Variants in HELLS observed in about 807,000 individuals in gnomAD.
HELLS encodes the protein helicase, lymphoid specific.
A neutral mutation model predicts 120.0 loss-of-function variants in HELLS; 32 were observed. That is an observed-to-expected ratio of 0.27 (90% CI 0.20 to 0.36). The LOEUF is 0.36. HELLS is among the 10% of genes least tolerant of loss of function. The pLI, the probability that HELLS is intolerant of heterozygous loss-of-function variation, is 1.00. For missense variants in HELLS, 650 were observed against 993.4 expected (o/e 0.65, Z 4.65); for synonymous variants, 341 against 323.4 (o/e 1.05, Z -0.58).
intron 12 of HELLS, among the ~76,000 whole-genome samples, chr10:94,584,396 T>G (rs1183269821): frequency 1.3e-5 from 2 of 152,116 alleles, no homozygotes. Flanking sequence ...AATTTTCTTT[T>G]TTTCCCACTG....
chr10:94,590,633 G>A lies in HELLS; in HGVS notation c.1629-5G>A. The A allele has an allele frequency of 6.2e-7, 1 of 1,607,534 alleles. No homozygotes were observed. The highest frequency in any genetic ancestry group is 2.2e-5 in the East Asian group (1 of 44,770). ...TTCCCATATATGCATTATTTGTTTT[G>A]GTAGAGCTGTTGTGGAAGTGAATAT... On this transcript the variant is annotated splice_region_variant and splice_polypyrimidine_tract_variant and intron_variant, in intron 14 of 21. Coordinates refer to ENST00000348459, the MANE Select transcript of HELLS (RefSeq NM_018063.5).
At chr10:94,558,046 C>T (rs1015983761) in intron 3 of HELLS, 93 bp from the exon 4 acceptor site, 2 of 1,447,654 alleles carry the variant, frequency 1.4e-6, no homozygotes, top group African/African-American at 2.9e-5. Flanking sequence ...CTTAGTTTCT[C>T]ATTGTAAACA....
At chr10:94,590,855 T>G in intron 15 of HELLS, 79 bp downstream of exon 15, 1 of 760,648 alleles carries the variant, frequency 1.3e-6, no homozygotes, top group Non-Finnish European at 2.0e-6. Flanking sequence ...TTTTTTTGAT[T>G]ATAATTATTA....
chr10:94,600,312 C>T (rs1202234219), intron 21 of HELLS, among the ~76,000 whole-genome samples: 1 of 151,020 alleles, frequency 6.6e-6, no homozygotes, highest in Non-Finnish European at 1.5e-5. Flanking sequence ...AAAAAAAATC[C>T]CAGAATGACT....
intron 9 of HELLS, among the ~76,000 whole-genome samples, chr10:94,575,456 T>C (rs1344127082): frequency 6.6e-6 from 1 of 151,346 alleles, no homozygotes; most frequent in Non-Finnish European, 1.5e-5. Flanking sequence ...CTAGACGTAG[T>C]ATCACCATCT....
chr10:94,604,323 C>T (rs1222302542), downstream of HELLS, among the ~76,000 whole-genome samples: 1 of 151,894 alleles, frequency 6.6e-6, no homozygotes, highest in African/African-American at 2.4e-5. Context: ...CGTGGTTTCA[C>T]CATGTTGGCC....
chr10:94,545,812 T>C lies in HELLS; in HGVS notation c.-110T>C, dbSNP rs1052522687. 6.2e-6 allele frequency: 8 copies of C among 1,287,810 alleles called. No individual in the cohort carries two copies. Among genetic ancestry groups the C allele is most frequent in the Non-Finnish European group, 8.8e-6 (8 of 906,274 alleles). 79.8% of individuals were successfully genotyped at this position (1,287,810 alleles called of 1,614,324 possible). ...CGAAGGAGAAGCGCGCTTTTTTCCCTGGCGGGGGATTTGGCTAGAAGGCTG... is the reference window on the plus strand; with the variant it reads ...CGAAGGAGAAGCGCGCTTTTTTCCCCGGCGGGGGATTTGGCTAGAAGGCTG... On this transcript the variant is annotated 5_prime_UTR_variant, in exon 1 of 22. Transcript: ENST00000348459.
chr10:94,604,656 C>T (rs191853830), downstream of HELLS, among the ~76,000 whole-genome samples: 6 of 152,204 alleles, frequency 3.9e-5, no homozygotes, highest in East Asian at 9.6e-4. Context: ...ATAATGATCC[C>T]TTACATCTTT....
At position 94,596,927 on chromosome 10, in the gene HELLS, G is replaced by A; in HGVS notation, c.2316G>A (p.Met772Ile). The change falls in exon 20 of 22, where the codon ATG (methionine) becomes ATA (isoleucine). Residue 772 changes from methionine to isoleucine, a missense_variant. By Grantham distance (10) the Met-to-Ile change is conservative. Coordinates refer to ENST00000348459, the MANE Select transcript of HELLS (RefSeq NM_018063.5). The part of the protein sequence containing the change: ...SKNFLDPKEL[M>I]ELLKSRDYER... Reference sequence around the variant, plus strand: ...ATTTCTTAGATCCTAAGGAATTAATGGAATTATTAAAATCTAGAGATTATG... The same window carrying A: ...ATTTCTTAGATCCTAAGGAATTAATAGAATTATTAAAATCTAGAGATTATG... 3 of 1,509,758 alleles carry A rather than the reference G, an allele frequency of 2.0e-6. No individual in the cohort carries two copies. The highest frequency in any genetic ancestry group is 2.8e-6 in the Non-Finnish European group (3 of 1,086,710). The allele number at this position is 1,509,758 out of a possible 1,614,324, so 93.5% of individuals were successfully genotyped here.
At chr10:94,566,877 A>G (rs953553950) in intron 6 of HELLS, among the ~76,000 whole-genome samples, 1 of 151,088 alleles carries the variant, frequency 6.6e-6, no homozygotes, top group Non-Finnish European at 1.5e-5. Context: ...CTGGTCTCAA[A>G]CTCCTGACCC....
rs1034696721 is a variant in HELLS at position 94,581,540 on chromosome 10, T to G, written c.1229+18T>G. 2.6e-6 allele frequency: 4 copies of G among 1,551,808 alleles called. No homozygotes were observed. The African/African-American group carries it at 5.5e-5, about 21-fold the overall frequency. On this transcript the variant is annotated intron_variant, in intron 11 of 21. Transcript: ENST00000348459. ...TTGAAAAGGTGGGTAAGCCAGTTAT[T>G]TAATGATTTAACCTCAAAAATCTGT... is the stretch of plus-strand genomic sequence containing the variant.
rs765622878 is a variant in HELLS at position 94,576,723 on chromosome 10, A to T, written c.950A>T (p.Tyr317Phe). Residue 317 changes from tyrosine (Y) to phenylalanine (F), a missense_variant, in exon 10 of 22, where the codon TAC (tyrosine) becomes TTC (phenylalanine). Transcript: ENST00000348459. Reference protein sequence around the residue: ...EERQKLVRNIYKRKGTLQIHP... With the variant: ...EERQKLVRNIFKRKGTLQIHP... ...CGTCAAAAATTGGTAAGAAATATTT[A>T]CAAACGGAAAGGGACTTTGCAGATT... 1.2e-6 allele frequency: 2 copies of T among 1,611,932 alleles called. No individual in the cohort carries two copies. Among genetic ancestry groups the T allele is most frequent in the Admixed American group, 3.3e-5 (2 of 59,988 alleles).
chr10:94,549,150 T>C (rs2134268965), intron 2 of HELLS, among the ~76,000 whole-genome samples: 1 of 152,336 alleles, frequency 6.6e-6, no homozygotes, highest in South Asian at 2.1e-4. Flanking sequence ...AGTGATTGCC[T>C]AGATGACACT....
downstream of HELLS, among the ~76,000 whole-genome samples, chr10:94,605,083 C>T (rs1049020271): frequency 7.6e-5 from 10 of 130,796 alleles, no homozygotes; most frequent in East Asian, 1.0e-3. Context: ...CCCCCCCCCC[C>T]CCTTTTTTTT....
Position 94,576,645 on chromosome 10 carries a change from A to G in HELLS, c.889-17A>G, listed in dbSNP as rs373709897. 4.9e-6 allele frequency: 7 copies of G among 1,443,088 alleles called. No homozygotes were observed. In the African/African-American group the frequency reaches 5.6e-5, roughly 12 times the overall value. 89.4% of individuals were successfully genotyped at this position (1,443,088 alleles called of 1,614,324 possible). A position where few individuals can be genotyped will look rare whatever the true frequency, so the allele number is the denominator to read the frequency against. ...TTTGTTCTTAAGTCTGATAAAAATC[A>G]ATATAAAATTTTTCAGATCCCTACA... is the stretch of plus-strand genomic sequence containing the variant. On this transcript the variant is annotated splice_polypyrimidine_tract_variant and intron_variant, in intron 9 of 21. Transcript: ENST00000348459.
At chr10:94,565,254 G>A (rs1200185012) in intron 6 of HELLS, among the ~76,000 whole-genome samples, 3 of 151,910 alleles carry the variant, frequency 2.0e-5, no homozygotes, top group Admixed American at 6.6e-5. Flanking sequence ...GGAGAATCAC[G>A]AACCTGGGAG....
At position 94,588,165 on chromosome 10, in the gene HELLS, C is replaced by T. The variant is rs554346323; in HGVS notation, c.1327-64C>T. The T allele has an allele frequency of 1.0e-5, 9 of 894,474 alleles. No homozygotes were observed. In the South Asian group the frequency reaches 1.0e-4, roughly 10 times the overall value. 55.4% of individuals were successfully genotyped at this position (894,474 alleles called of 1,614,324 possible). A position where few individuals can be genotyped will look rare whatever the true frequency, so the allele number is the denominator to read the frequency against. On this transcript the variant is annotated intron_variant, in intron 12 of 21. Coordinates refer to ENST00000348459, the MANE Select transcript of HELLS (RefSeq NM_018063.5). Reference sequence around the variant, plus strand: ...GATAAGGTAAAGGAGTATATGGGGACAGTATTCCTTGAAAAACAAGAATGT... The same window carrying T: ...GATAAGGTAAAGGAGTATATGGGGATAGTATTCCTTGAAAAACAAGAATGT...
intron 7 of HELLS, 26 bp downstream of exon 7, chr10:94,571,455 A>C: frequency 1.4e-6 from 2 of 1,466,504 alleles, no homozygotes; most frequent in Non-Finnish European, 1.9e-6. Flanking sequence ...TGTAAGATTA[A>C]GTTTAGAAGT....
intron 7 of HELLS, among the ~76,000 whole-genome samples, chr10:94,572,797 T>G (rs1317287310): frequency 1.3e-5 from 2 of 152,242 alleles, no homozygotes; most frequent in African/African-American, 4.8e-5. Flanking sequence ...CCAGCAATGT[T>G]TGAAAACTCC....
Sources: allele counts gnomAD v4.1 joint callset (sites outside exome capture counted in the v4.1 genomes callset), GRCh38; gene constraint gnomAD v4.1.1; transcripts MANE v1.5; gene names NCBI Gene and HGNC (gene_info 2026-07-23, HGNC 2026-07-21).